The following TBX3 variants were observed in gnomAD, a reference collection of about 807,000 sequenced individuals.
TBX3 encodes the protein T-box transcription factor TBX3.
Under a neutral mutation model 47.8 loss-of-function variants are expected in TBX3, and 11 were observed. The observed-to-expected ratio is 0.23, with a 90% CI of 0.14 to 0.38. The LOEUF (loss-of-function observed/expected upper bound fraction) is 0.38, where lower values mean the gene tolerates loss of function less well. Among genes scored for constraint, TBX3 ranks in the 10% least tolerant of loss-of-function variants. The pLI is 1.00. For synonymous variants in TBX3, 500 were observed against 449.3 expected (o/e 1.11, Z -1.43); for missense variants, 927 against 1,022.8 (o/e 0.91, Z 1.28).
Position 114,674,392 on chromosome 12 carries a change from C to A in TBX3, c.1483G>T (p.Gly495Trp). 6.4e-7 allele frequency: 1 copy of A among 1,552,146 alleles called. No individual in the cohort carries two copies. Among genetic ancestry groups the A allele is most frequent in the Non-Finnish European group, 8.7e-7 (1 of 1,148,162 alleles). Residue 495 changes from glycine to tryptophan, a missense_variant, in exon 6 of 7, where the codon GGG (glycine) becomes TGG (tryptophan). Physicochemically the swap from Gly to Trp is radical, Grantham distance 184. Around this residue, in one of 5 missense-constraint regions of TBX3, gnomAD observed 623 missense variants for 569.0 expected, o/e 1.09. Coordinates refer to ENST00000349155, the MANE Select transcript of TBX3 (RefSeq NM_005996.4). ...PGLAGQQFFNGHPLFLHPSQF... is the reference protein window; with the variant it reads ...PGLAGQQFFNWHPLFLHPSQF... ...CTGGGGTGCAGGAAGAGCGGGTGCC[C>A]GTTGAAGAACTGTTGGCCCGCCAGG... is the stretch of plus-strand genomic sequence containing the variant.
rs1286371143 is a variant in TBX3, at chr12:114,674,717, G to C, written c.1158C>G (p.Asp386Glu). The change falls in exon 6 of 7, where the codon GAC becomes GAG. Residue 386 changes from aspartate to glutamate, a missense_variant. Asp to Glu is a conservative substitution (Grantham distance 45). Coordinates refer to ENST00000349155, the MANE Select transcript of TBX3 (RefSeq NM_005996.4). ...STTTSEEPCR[D>E]KGSPAVKAHL... is the part of the protein sequence containing the mutation. ...GAGCCTTGACCGCGGGGCTGCCCTT[G>C]TCACGGCAGGGCTCCTCCGACGTGG... The C allele has an allele frequency of 6.2e-7, 1 of 1,602,752 alleles. No homozygotes were observed. Among genetic ancestry groups the C allele is most frequent in the African/African-American group, 1.3e-5 (1 of 75,018 alleles).
rs1295791270 is a variant in TBX3, at chr12:114,674,524, G to C, written c.1351C>G (p.Arg451Gly). 2 of 1,517,802 alleles carry C rather than the reference G, an allele frequency of 1.3e-6. No homozygotes were observed. Among genetic ancestry groups the C allele is most frequent in the African/African-American group, 1.4e-5 (1 of 72,238 alleles). 94.0% of individuals were successfully genotyped at this position (1,517,802 alleles called of 1,614,324 possible). The change falls in exon 6 of 7, where the codon CGC (arginine) becomes GGC (glycine). Residue 451 changes from arginine (R) to glycine (G), a missense_variant. Arg to Gly is a moderately radical substitution (Grantham distance 125). Coordinates refer to ENST00000349155, the MANE Select transcript of TBX3 (RefSeq NM_005996.4). ...AAGGCCTCCTTGCCCGGGAGCGCGC[G>C]CGCCTCTTCCACCTTGGCCGGCGCT... ...GTAPAKVEEA[R>G]ALPGKEAFAP...
At chr12:114,674,018 T>A in intron 6 of TBX3, 147 bp downstream of exon 6, 1 of 1,105,820 alleles carries the variant, frequency 9.0e-7, no homozygotes, top group South Asian at 1.6e-5. Flanking sequence ...AATAACTCCA[T>A]GAGCTAAGCC....
intron 5 of TBX3, 103 bp from the exon 6 acceptor site, chr12:114,674,938 G>T: frequency 6.9e-7 from 1 of 1,452,376 alleles, no homozygotes. Context: ...GTGGCTTAGT[G>T]GCTGTGTAAT....
At position 114,674,243 on chromosome 12, in the gene TBX3, G is replaced by T; in HGVS notation, c.1632C>A (p.Ala544=). ...SGLDSTAMAS[A]AAAQGLSGAS... is the part of the protein sequence containing the mutation. Reference sequence around the variant, plus strand: ...CCCCGGACAGTCCCTGCGCCGCAGCGGCAGAGGCCATGGCCGTGGAATCCA... The same window carrying T: ...CCCCGGACAGTCCCTGCGCCGCAGCTGCAGAGGCCATGGCCGTGGAATCCA... The change falls in exon 6 of 7, where the codon GCC becomes GCA. Residue 544 remains alanine (A), a synonymous_variant. Transcript: ENST00000349155. 6.3e-7 allele frequency: 1 copy of T among 1,576,052 alleles called. No homozygotes were observed. Among genetic ancestry groups the T allele is most frequent in the South Asian group, 1.2e-5 (1 of 85,786 alleles).
chr12:114,682,646 T>G (rs531703956), intron 1 of TBX3, among the ~76,000 whole-genome samples, 166 bp downstream of exon 1: 2 of 152,110 alleles, frequency 1.3e-5, no homozygotes, highest in South Asian at 4.2e-4. Context: ...TAAGCTGAAA[T>G]TTCCTGCCAC....
chr12:114,671,738 AG>A lies in TBX3; in HGVS notation c.*102del. 6.9e-7 allele frequency: 1 copy of A among 1,459,612 alleles called. No homozygotes were observed. The highest frequency in any genetic ancestry group is 1.2e-5 in the South Asian group (1 of 81,502). 90.4% of individuals were successfully genotyped at this position (1,459,612 alleles called of 1,614,324 possible). A position where few individuals can be genotyped will look rare whatever the true frequency, so the allele number is the denominator to read the frequency against. On this transcript the variant is annotated 3_prime_UTR_variant, in exon 7 of 7. Coordinates refer to ENST00000349155, the MANE Select transcript of TBX3 (RefSeq NM_005996.4). Reference sequence around the variant, plus strand: ...GCCCCTTCCCAGACGCAACTGCAAAAGGAAGGGCTAACGCCATGGCGGGCCC... The same window carrying A: ...GCCCCTTCCCAGACGCAACTGCAAAAGAAGGGCTAACGCCATGGCGGGCCC...
intron 2 of TBX3, chr12:114,679,866 C>A (rs1392740834): frequency 1.2e-6 from 2 of 1,605,274 alleles, no homozygotes; most frequent in South Asian, 1.1e-5. Context: ...AGGGCCCCCC[C>A]CACCCTCACC....
Position 114,682,818 on chromosome 12 carries a change from G to A in TBX3, c.383C>T (p.Ser128Leu), listed in dbSNP as rs1868997002. 1.9e-6 allele frequency: 3 copies of A among 1,614,040 alleles called. No homozygotes were observed. The highest frequency in any genetic ancestry group is 3.3e-5 in the Admixed American group (2 of 59,998). Reference sequence around the variant, plus strand: ...GGAGGCCCCCACTGCTTACCTTCCCGACTTGGTAATGACCATCTCGGTGCC... The same window carrying A: ...GGAGGCCCCCACTGCTTACCTTCCCAACTTGGTAATGACCATCTCGGTGCC... ...KRGTEMVITK[S>L]GRRMFPPFKV... Residue 128 changes from serine to leucine, a missense_variant, in exon 1 of 7, where the codon TCG becomes TTG. Physicochemically the swap from Ser to Leu is moderately radical, Grantham distance 145. Coordinates refer to ENST00000349155, the MANE Select transcript of TBX3 (RefSeq NM_005996.4).
intron 6 of TBX3, among the ~76,000 whole-genome samples, chr12:114,673,296 T>C (rs561941692): frequency 2.6e-5 from 4 of 152,300 alleles, no homozygotes; most frequent in Admixed American, 2.6e-4. Flanking sequence ...ACCAGACGAA[T>C]GTGCTCAGAC....
At chr12:114,674,965 T>A in intron 5 of TBX3, 130 bp from the exon 6 acceptor site, 1 of 1,226,374 alleles carries the variant, frequency 8.2e-7, no homozygotes, top group Non-Finnish European at 1.2e-6. Context: ...GAAAGCCCCT[T>A]AGCCTCTCTG....
rs1295841754 is a variant in TBX3, at chr12:114,676,405, G to A, written c.947C>T (p.Ser316Phe). ...TGCTTGTTCACTGGAGGACTCATCAGAGGTCCCATTCTCCTTTTTGTGTCT... is the reference window on the plus strand; with the variant it reads ...TGCTTGTTCACTGGAGGACTCATCAAAGGTCCCATTCTCCTTTTTGTGTCT... Reference protein sequence around the residue: ...DERHKKENGTSDESSSEQAAF... With the variant: ...DERHKKENGTFDESSSEQAAF... The change falls in exon 5 of 7, where the codon TCT becomes TTT. Residue 316 changes from serine (S) to phenylalanine (F), a missense_variant. Transcript: ENST00000349155. 1.9e-6 allele frequency: 3 copies of A among 1,614,126 alleles called. No individual in the cohort carries two copies. Among genetic ancestry groups the A allele is most frequent in the Non-Finnish European group, 2.5e-6 (3 of 1,180,042 alleles).
At position 114,671,736 on chromosome 12, in the gene TBX3, AAAGG is replaced by A; in HGVS notation, c.*101_*104del. ...GGGCCCCTTCCCAGACGCAACTGCA[AAAGG>A]AAGGGCTAACGCCATGGCGGGCCCG... On this transcript the variant is annotated 3_prime_UTR_variant, in exon 7 of 7. Coordinates refer to ENST00000349155, the MANE Select transcript of TBX3 (RefSeq NM_005996.4). 6.9e-7 allele frequency: 1 copy of A among 1,453,498 alleles called. No individual in the cohort carries two copies. Among genetic ancestry groups the A allele is most frequent in the Non-Finnish European group, 9.4e-7 (1 of 1,062,906 alleles). The allele number at this position is 1,453,498 out of a possible 1,614,324, so 90.0% of individuals were successfully genotyped here.
rs570558487 is a variant in TBX3, at chr12:114,674,285, G to A, written c.1590C>T (p.Ser530=). The A allele has an allele frequency of 1.9e-6, 3 of 1,581,220 alleles. No homozygotes were observed. The highest frequency in any genetic ancestry group is 4.6e-5 in the East Asian group (2 of 43,250). ...GPLLATVSGA[S]TGVSGLDSTA... is the part of the protein sequence containing the mutation. Reference sequence around the variant, plus strand: ...TGGAATCCAGGCCCGAGACACCGGTGGAGGCCCCAGAAACCGTGGCCAGGA... The same window carrying A: ...TGGAATCCAGGCCCGAGACACCGGTAGAGGCCCCAGAAACCGTGGCCAGGA... The change falls in exon 6 of 7, where the codon TCC becomes TCT. Residue 530 remains serine (S), a synonymous_variant. Transcript: ENST00000349155.
At position 114,683,231 on chromosome 12, in the gene TBX3, G is replaced by A. The variant is rs2121160922; in HGVS notation, c.-31C>T. On this transcript the variant is annotated 5_prime_UTR_variant, in exon 1 of 7. Coordinates refer to ENST00000349155, the MANE Select transcript of TBX3 (RefSeq NM_005996.4). This position sits in a 1 kb window ranked among gnomAD's most constrained non-coding sequence, Gnocchi z 7.7. ...CCAGGCGGGGCGCTGGGCTCCAGCCGGGGACAAGTCCGCAGCTGCTGTGTT... is the reference window on the plus strand; with the variant it reads ...CCAGGCGGGGCGCTGGGCTCCAGCCAGGGACAAGTCCGCAGCTGCTGTGTT... 1 of 1,605,456 alleles carries A rather than the reference G, an allele frequency of 6.2e-7. No individual in the cohort carries two copies. Among genetic ancestry groups the A allele is most frequent in the Middle Eastern group, 2.0e-4 (1 of 4,892 alleles).
chr12:114,680,129 A>T, intron 2 of TBX3: 1 of 732,844 alleles, frequency 1.4e-6, no homozygotes, highest in African/African-American at 1.8e-5. Context: ...TTCAAATGCA[A>T]TTCCTGCCCG....
At position 114,671,937 on chromosome 12, in the gene TBX3, C is replaced by T. The variant is rs760657438; in HGVS notation, c.2076G>A (p.Ala692=). ...SSMSLSPKLC[A]EKEAATSELQ... ...GTTCGCTGGTGGCCGCCTCTTTCTC[C>T]GCGCAGAGTTTGGGCGACAAGGACA... Residue 692 remains alanine (A), a synonymous_variant, in exon 7 of 7, where the codon GCG becomes GCA. Coordinates refer to ENST00000349155, the MANE Select transcript of TBX3 (RefSeq NM_005996.4). 1.3e-5 allele frequency: 21 copies of T among 1,592,986 alleles called. No homozygotes were observed. The highest frequency in any genetic ancestry group is 1.8e-5 in the Non-Finnish European group (21 of 1,169,942).
chr12:114,673,241 C>T (rs1868527401), intron 6 of TBX3, among the ~76,000 whole-genome samples: 1 of 152,194 alleles, frequency 6.6e-6, no homozygotes, highest in East Asian at 1.9e-4. Flanking sequence ...TCCCTCCTCC[C>T]TGGAGTGGGG....
chr12:114,677,445 G>T, intron 4 of TBX3, 135 bp downstream of exon 4: 1 of 820,428 alleles, frequency 1.2e-6, no homozygotes, highest in Non-Finnish European at 2.0e-6. Context: ...CGGCAAGCAT[G>T]TAGCAGTGGG....
Sources: allele counts gnomAD v4.1 joint callset (sites outside exome capture counted in the v4.1 genomes callset), GRCh38; gene constraint gnomAD v4.1.1; regional missense constraint gnomAD v4.1.1; non-coding constraint Gnocchi (gnomAD v3.1); transcripts MANE v1.5; gene names NCBI Gene and HGNC (gene_info 2026-07-23, HGNC 2026-07-21).